FGF12: variants seen among roughly 807,000 people sequenced by gnomAD.
FGF12 encodes the protein fibroblast growth factor 12B.
In FGF12, 14 loss-of-function variants were observed where a neutral mutation model predicts 23.6. The ratio of observed to expected loss-of-function variants is 0.59; its 90% CI spans 0.39 to 0.93. FGF12 has a LOEUF of 0.93. Ranked by LOEUF, FGF12 falls within the 40% of genes least tolerant of loss-of-function variation. The pLI is 0.00. For synonymous variants in FGF12, 62 were observed against 77.3 expected, an observed-to-expected ratio of 0.80 and a Z score of 1.04; for missense variants, 175 against 217.8, an observed-to-expected ratio of 0.80 and a Z score of 1.24.
At chr3:192,277,577 T>C (rs753530421) in intron 4 of FGF12, among the ~76,000 whole-genome samples, 1 of 152,164 alleles carries the variant, frequency 6.6e-6, no homozygotes, top group African/African-American at 2.4e-5. Flanking sequence ...TTTAACTGGG[T>C]AACTATGAGT....
chr3:192,305,282 C>CA (rs1194430489), intron 4 of FGF12, among the ~76,000 whole-genome samples: 1 of 151,392 alleles, frequency 6.6e-6, no homozygotes, highest in African/African-American at 2.4e-5. Context: ...TACAGGGTGT[C>CA]AAAAAAATGG....
intron 2 of FGF12, among the ~76,000 whole-genome samples, chr3:192,372,975 G>A (rs1249336520): frequency 2.6e-5 from 4 of 152,056 alleles, no homozygotes; most frequent in Non-Finnish European, 4.4e-5. Flanking sequence ...CCTCTGCCTG[G>A]ATTGATTTTC....
intron 2 of FGF12, among the ~76,000 whole-genome samples, chr3:192,575,237 GA>G (rs1248557592): frequency 6.6e-6 from 1 of 152,160 alleles, no homozygotes; most frequent in African/African-American, 2.4e-5. Flanking sequence ...AAACTCTGGG[GA>G]TGCAATTGTT....
intron 2 of FGF12, among the ~76,000 whole-genome samples, chr3:192,634,877 T>C (rs370572427): frequency 1.8e-4 from 28 of 152,298 alleles, no homozygotes; most frequent in East Asian, 1.2e-3. Context: ...TTTTCTTTTT[T>C]GCAACAGAGT....
chr3:192,401,220 G>C (rs1307630410), intron 2 of FGF12, among the ~76,000 whole-genome samples: 1 of 152,188 alleles, frequency 6.6e-6, no homozygotes, highest in Non-Finnish European at 1.5e-5. Flanking sequence ...ATAGAAGTCA[G>C]CTTGTTCTCA....
At chr3:192,175,030 G>T (rs1169679062) in intron 4 of FGF12, among the ~76,000 whole-genome samples, 1 of 152,126 alleles carries the variant, frequency 6.6e-6, no homozygotes, top group African/African-American at 2.4e-5. Flanking sequence ...AGGACCTTGT[G>T]CCATAAGAGT....
chr3:192,434,831 T>TA lies in FGF12; in HGVS notation c.14-74294dup, dbSNP rs533997848. Among the ~76,000 whole-genome samples the TA allele has an allele frequency of 3.0e-3, 445 of 148,398 alleles. 3 individuals are homozygous for TA. Among genetic ancestry groups the TA allele is most frequent in the South Asian group, 0.014 (63 of 4,618 alleles). On this transcript the variant is annotated intron_variant, in intron 2 of 5. Transcript: ENST00000445105. Reference sequence around the variant, plus strand: ...TTTAAAACCCCTATGATCAGGATATTAAAAAAAAAACAAGAAAGATAATCT... The same window carrying TA: ...TTTAAAACCCCTATGATCAGGATATTAAAAAAAAAAACAAGAAAGATAATCT...
chr3:192,144,708 G>T (rs546670436), intron 5 of FGF12, among the ~76,000 whole-genome samples: 1 of 152,112 alleles, frequency 6.6e-6, no homozygotes, highest in African/African-American at 2.4e-5. Context: ...TCATCAATAG[G>T]GAACGTGATT....
intron 2 of FGF12, among the ~76,000 whole-genome samples, chr3:192,631,237 G>A (rs554874059): frequency 2.0e-5 from 3 of 152,210 alleles, no homozygotes; most frequent in African/African-American, 7.2e-5. Flanking sequence ...ATAGAGAAGA[G>A]TCCTATTCCT....
intron 4 of FGF12, among the ~76,000 whole-genome samples, chr3:192,199,820 G>A (rs528084789): frequency 5.6e-4 from 85 of 152,168 alleles, no homozygotes; most frequent in African/African-American, 1.8e-3. Flanking sequence ...CCACTCTTAC[G>A]CCAGGAAAGC....
intron 2 of FGF12, among the ~76,000 whole-genome samples, chr3:192,411,183 A>C (rs1395101392): frequency 6.6e-6 from 1 of 152,208 alleles, no homozygotes; most frequent in Non-Finnish European, 1.5e-5. Context: ...GGGCCTAGCC[A>C]AGATTCACTT....
At chr3:192,603,978 C>T (rs1714230068) in intron 2 of FGF12, among the ~76,000 whole-genome samples, 1 of 152,142 alleles carries the variant, frequency 6.6e-6, no homozygotes, top group Non-Finnish European at 1.5e-5. Flanking sequence ...ACAGGACAGA[C>T]ATTCCCAGAG....
intron 5 of FGF12, among the ~76,000 whole-genome samples, chr3:192,167,767 ATAAAATT>A (rs1275664797): frequency 0.018 from 524 of 29,324 alleles, 45 homozygotes; most frequent in Non-Finnish European, 0.026. Context: ...ATATATATAT[ATAAAATT>A]TTTTTTTTTT....
At chr3:192,380,086 T>A (rs1330980139) in intron 2 of FGF12, among the ~76,000 whole-genome samples, 1 of 152,162 alleles carries the variant, frequency 6.6e-6, no homozygotes, top group Admixed American at 6.6e-5. Flanking sequence ...AATTAAAGGC[T>A]ATGCCAGAAA....
intron 2 of FGF12, among the ~76,000 whole-genome samples, chr3:192,459,904 G>T (rs1258191201): frequency 6.6e-6 from 1 of 151,756 alleles, no homozygotes; most frequent in Non-Finnish European, 1.5e-5. Context: ...GGAGACAGAA[G>T]GTGATTCAAC....
intron 4 of FGF12, among the ~76,000 whole-genome samples, chr3:192,297,763 T>A (rs907920841): frequency 2.0e-5 from 3 of 152,200 alleles, no homozygotes; most frequent in African/African-American, 4.8e-5. Flanking sequence ...CTATTTGAAA[T>A]AGAATCTCTA....
At chr3:192,607,824 A>G (rs1269155247) in intron 2 of FGF12, among the ~76,000 whole-genome samples, 1 of 148,894 alleles carries the variant, frequency 6.7e-6, no homozygotes, top group East Asian at 2.0e-4. Flanking sequence ...AATAGTTAAC[A>G]TACCCAGAGA....
intron 5 of FGF12, among the ~76,000 whole-genome samples, chr3:192,159,594 T>C (rs1215688872): frequency 2.0e-5 from 3 of 152,196 alleles, no homozygotes; most frequent in African/African-American, 7.2e-5. Context: ...TATTCTATAA[T>C]GTGAGAAAGT....
chr3:192,678,160 G>A (rs1717394296), intron 2 of FGF12, among the ~76,000 whole-genome samples: 1 of 152,168 alleles, frequency 6.6e-6, no homozygotes. Flanking sequence ...TGTTCCAAAT[G>A]CTTTTCACTT....
Sources: allele counts gnomAD v4.1 joint callset (sites outside exome capture counted in the v4.1 genomes callset), GRCh38; gene constraint gnomAD v4.1.1; transcripts MANE v1.5; gene names NCBI Gene and HGNC (gene_info 2026-07-23, HGNC 2026-07-21).